CEP44: variants seen among roughly 807,000 people sequenced by gnomAD.
CEP44 encodes the protein centrosomal protein 44.
A neutral mutation model predicts 46.7 loss-of-function variants in CEP44; 45 were observed. The observed-to-expected ratio is 0.96, with a 90% CI of 0.76 to 1.24. CEP44 has a LOEUF of 1.24. Among genes scored for constraint, CEP44 ranks in the 50% most tolerant of loss-of-function variants. The pLI is 0.00. For missense variants in CEP44, 475 were observed against 459.7 expected (o/e 1.03, Z -0.30); for synonymous variants, 142 against 146.0 (o/e 0.97, Z 0.20).
At position 174,301,921 on chromosome 4, in the gene CEP44, C is replaced by T. The variant is rs1579104935; in HGVS notation, c.90-118C>T. ...CTCATGTATCACCTAATTATTATAG[C>T]TATAGTGTTAAGTTTTAAATTATTA... On this transcript the variant is annotated intron_variant, in intron 3 of 11. Coordinates refer to ENST00000503780, the MANE Select transcript of CEP44 (RefSeq NM_001040157.3). The surrounding 1 kb of genome is among the most constrained non-coding windows in gnomAD (Gnocchi z 4.3). 1.2e-6 allele frequency: 1 copy of T among 856,178 alleles called. No individual in the cohort carries two copies. Among genetic ancestry groups the T allele is most frequent in the Non-Finnish European group, 1.7e-6 (1 of 571,732 alleles). 53.0% of individuals were successfully genotyped at this position (856,178 alleles called of 1,614,324 possible). A position where few individuals can be genotyped will look rare whatever the true frequency, so the allele number is the denominator to read the frequency against.
rs1741123266 is a variant in CEP44 at position 174,311,911 on chromosome 4, G to A, written c.961+1053G>A. Reference sequence around the variant, plus strand: ...TATAATTATTTGAGATGCTATTTAAGGCAACTAAATTTATTATAGGCTGCA... The same window carrying A: ...TATAATTATTTGAGATGCTATTTAAAGCAACTAAATTTATTATAGGCTGCA... On this transcript the variant is annotated intron_variant, in intron 9 of 11. Transcript: ENST00000503780. The surrounding 1 kb of genome is among the most constrained non-coding windows in gnomAD (Gnocchi z 4.4). Among the ~76,000 whole-genome samples, 1 of 152,102 alleles carries A rather than the reference G, an allele frequency of 6.6e-6. No individual in the cohort carries two copies. The highest frequency in any genetic ancestry group is 1.5e-5 in the Non-Finnish European group (1 of 68,024).
At chr4:174,323,971 T>A (rs1046843527), downstream of CEP44, among the ~76,000 whole-genome samples, 8 of 152,164 alleles carry the variant, frequency 5.3e-5, no homozygotes, top group African/African-American at 1.9e-4. Flanking sequence ...TTAGTTGCAT[T>A]GACTTTTCGC....
rs1741206613 is a variant in CEP44 at position 174,312,549 on chromosome 4, C to A, written c.961+1691C>A. 6.6e-6 allele frequency among the ~76,000 whole-genome samples: 1 copy of A among 152,116 alleles called. No individual in the cohort carries two copies. The highest frequency in any genetic ancestry group is 2.1e-4 in the South Asian group (1 of 4,832). ...GAACTCCTGGGCTCAAGCAATCCTCCCATCTCTGCTTCTCAAAGTACTGGG... is the reference window on the plus strand; with the variant it reads ...GAACTCCTGGGCTCAAGCAATCCTCACATCTCTGCTTCTCAAAGTACTGGG... On this transcript the variant is annotated intron_variant, in intron 9 of 11. Transcript: ENST00000503780. The surrounding 1 kb of genome is among the most constrained non-coding windows in gnomAD (Gnocchi z 4.5).
Position 174,318,888 on chromosome 4 carries a change from C to T in CEP44, c.*1505C>T. 1 of 300,778 alleles carries T rather than the reference C, an allele frequency of 3.3e-6. No homozygotes were observed. The highest frequency in any genetic ancestry group is 4.9e-6 in the Non-Finnish European group (1 of 204,986). The allele number at this position is 300,778 out of a possible 1,614,324, so 18.6% of individuals were successfully genotyped here. A position where few individuals can be genotyped will look rare whatever the true frequency, so the allele number is the denominator to read the frequency against. ...GCACTGGCGTGATCTCGGCTCACTG[C>T]ACCTTCTGCCTACCGAGTTCAAGCG... On this transcript the variant is annotated 3_prime_UTR_variant, in exon 12 of 12. Coordinates refer to ENST00000503780, the MANE Select transcript of CEP44 (RefSeq NM_001040157.3).
At position 174,319,488 on chromosome 4, in the gene CEP44, T is replaced by TA. The variant is rs1742096756; in HGVS notation, c.*2106dup. The TA allele has an allele frequency of 1.1e-6, 1 of 944,438 alleles. No homozygotes were observed. Among genetic ancestry groups the TA allele is most frequent in the African/African-American group, 1.8e-5 (1 of 56,304 alleles). The allele number at this position is 944,438 out of a possible 1,614,324, so 58.5% of individuals were successfully genotyped here. A position where few individuals can be genotyped will look rare whatever the true frequency, so the allele number is the denominator to read the frequency against. ...AAAAGAAACATTTTTGAAGTTTTCT[T>TA]ATGGAAGATAGAAAAAAAGTTAAGT... On this transcript the variant is annotated 3_prime_UTR_variant, in exon 12 of 12. Transcript: ENST00000503780.
chr4:174,294,514 A>G (rs538354191), intron 1 of CEP44, among the ~76,000 whole-genome samples: 206 of 151,628 alleles, frequency 1.4e-3, no homozygotes, highest in African/African-American at 4.7e-3. Context: ...TCTATTCCAC[A>G]AAACCGCCAT....
At chr4:174,291,204 T>A (rs549203450) in intron 1 of CEP44, among the ~76,000 whole-genome samples, 1 of 151,948 alleles carries the variant, frequency 6.6e-6, no homozygotes, top group Non-Finnish European at 1.5e-5. Flanking sequence ...TTCTATTTGC[T>A]TTCTGTTTCT....
rs191388431 is a variant in CEP44, at chr4:174,301,525, T to C, written c.90-514T>C. Among the ~76,000 whole-genome samples the C allele has an allele frequency of 2.6e-4, 39 of 152,278 alleles. 1 individual carries two copies. The East Asian group carries it at 4.4e-3, about 17-fold the overall frequency. On this transcript the variant is annotated intron_variant, in intron 3 of 11. Transcript: ENST00000503780. This position sits in a 1 kb window ranked among gnomAD's most constrained non-coding sequence, Gnocchi z 4.3. Reference sequence around the variant, plus strand: ...TTAACATAGGTAATAATATACGATTTAGAAGGAGCAGTAAGTGAAAAGTAA... The same window carrying C: ...TTAACATAGGTAATAATATACGATTCAGAAGGAGCAGTAAGTGAAAAGTAA...
chr4:174,310,294 A>G lies in CEP44; in HGVS notation c.885+238A>G, dbSNP rs745651698. Among the ~76,000 whole-genome samples the G allele has an allele frequency of 6.6e-6, 1 of 152,050 alleles. No individual in the cohort carries two copies. Among genetic ancestry groups the G allele is most frequent in the Non-Finnish European group, 1.5e-5 (1 of 67,904 alleles). ...GTCAGTTGAGCTTTTACAGATGTTA[A>G]TAATGCTTGAAGAATTTAAAATGAG... On this transcript the variant is annotated intron_variant, in intron 8 of 11. Transcript: ENST00000503780. This position sits in a 1 kb window ranked among gnomAD's most constrained non-coding sequence, Gnocchi z 4.2.
intron 6 of CEP44, among the ~76,000 whole-genome samples, chr4:174,308,027 A>G (rs1311156561): frequency 6.6e-6 from 1 of 152,206 alleles, no homozygotes; most frequent in East Asian, 1.9e-4. Context: ...AGTTAGTTCA[A>G]CCACCGTGGA....
chr4:174,302,283 A>G, intron 4 of CEP44, 97 bp downstream of exon 4: 2 of 708,418 alleles, frequency 2.8e-6, no homozygotes, highest in Non-Finnish European at 4.7e-6. Flanking sequence ...CAGCATATAC[A>G]ATTGACAGGA....
At position 174,289,339 on chromosome 4, in the gene CEP44, A is replaced by T. The variant is rs576962812; in HGVS notation, c.-148+5396A>T. Reference sequence around the variant, plus strand: ...ATATGTTTAATAAGGTTTTGTATTAATTTTTCTTTAAATGTTTGCTAGAAT... The same window carrying T: ...ATATGTTTAATAAGGTTTTGTATTATTTTTTCTTTAAATGTTTGCTAGAAT... On this transcript the variant is annotated intron_variant, in intron 1 of 11. Coordinates refer to ENST00000503780, the MANE Select transcript of CEP44 (RefSeq NM_001040157.3). Among the ~76,000 whole-genome samples, 385 of 140,386 alleles carry T rather than the reference A, an allele frequency of 2.7e-3. 1 individual carries two copies. Among genetic ancestry groups the T allele is most frequent in the Non-Finnish European group, 2.9e-3 (183 of 63,830 alleles). 92.1% of individuals were successfully genotyped at this position (140,386 alleles called of 152,430 possible).
chr4:174,331,386 T>C lies in CEP44; in HGVS notation c.1087-96T>C, dbSNP rs1731312071. On this transcript the variant is annotated intron_variant, in intron 8 of 8. Transcript: ENST00000426172. This position sits in a 1 kb window ranked among gnomAD's most constrained non-coding sequence, Gnocchi z 4.5. Reference sequence around the variant, plus strand: ...ACCTATTATGGAAGAGGAGGAAATATTAATAGCACTCTGACACTGCTCTAA... The same window carrying C: ...ACCTATTATGGAAGAGGAGGAAATACTAATAGCACTCTGACACTGCTCTAA... 7.8e-7 allele frequency: 1 copy of C among 1,286,424 alleles called. No homozygotes were observed. The allele number at this position is 1,286,424 out of a possible 1,614,324, so 79.7% of individuals were successfully genotyped here. A position where few individuals can be genotyped will look rare whatever the true frequency, so the allele number is the denominator to read the frequency against.
Position 174,317,588 on chromosome 4 carries a change from T to C in CEP44, c.*205T>C. ...ATTATACTGCTTTACCTTGTGTCAC[T>C]TTTTTTTTTTTTAGGAAAAACTCAT... is the stretch of plus-strand genomic sequence containing the variant. On this transcript the variant is annotated 3_prime_UTR_variant, in exon 12 of 12. Transcript: ENST00000503780. 3.5e-6 allele frequency: 1 copy of C among 284,018 alleles called. No homozygotes were observed. The allele number at this position is 284,018 out of a possible 1,614,324, so 17.6% of individuals were successfully genotyped here. A position where few individuals can be genotyped will look rare whatever the true frequency, so the allele number is the denominator to read the frequency against.
At chr4:174,299,022 C>A (rs1739400244) in intron 2 of CEP44, 50 bp from the exon 3 acceptor site, 4 of 1,025,634 alleles carry the variant, frequency 3.9e-6, no homozygotes, top group Non-Finnish European at 5.8e-6. Flanking sequence ...AATCAAGAAG[C>A]TTCAAAAATA....
At chr4:174,320,786 A>G (rs995194703), downstream of CEP44, among the ~76,000 whole-genome samples, 3 of 151,936 alleles carry the variant, frequency 2.0e-5, no homozygotes, top group African/African-American at 7.2e-5. Context: ...TTTAAGCAGC[A>G]GAATATGATA....
rs554199972 is a variant in CEP44 at position 174,299,157 on chromosome 4, C to T, written c.36C>T (p.Asn12=). 14 of 1,613,648 alleles carry T rather than the reference C, an allele frequency of 8.7e-6. No individual in the cohort carries two copies. In the East Asian group the frequency reaches 3.1e-4, roughly 36 times the overall value. ...ATGDLKRSLR[N]LEQVLRLLNY... Reference sequence around the variant, plus strand: ...GTGACTTAAAAAGAAGCTTACGGAACCTAGAACAGGTGCTCCGCTTGCTAA... The same window carrying T: ...GTGACTTAAAAAGAAGCTTACGGAATCTAGAACAGGTGCTCCGCTTGCTAA... Residue 12 remains asparagine (N), a synonymous_variant, in exon 3 of 12, where the codon AAC becomes AAT. Coordinates refer to ENST00000503780, the MANE Select transcript of CEP44 (RefSeq NM_001040157.3).
intron 6 of CEP44, among the ~76,000 whole-genome samples, chr4:174,307,919 G>A (rs962707951): frequency 2.6e-5 from 4 of 151,958 alleles, no homozygotes; most frequent in African/African-American, 7.3e-5. Flanking sequence ...ACCATGTCAC[G>A]CTTCTCAGAA....
chr4:174,289,394 G>A (rs1205246212), intron 1 of CEP44, among the ~76,000 whole-genome samples: 2 of 150,622 alleles, frequency 1.3e-5, no homozygotes, highest in Non-Finnish European at 1.5e-5. Context: ...TCTTTGTTGG[G>A]AATTTTTTGA....
Sources: gnomAD v4.1 joint callset for allele counts (sites outside exome capture counted in the v4.1 genomes callset) on GRCh38, gnomAD v4.1.1 for gene constraint, Gnocchi (gnomAD v3.1) non-coding constraint, MANE v1.5 for transcripts, NCBI Gene and HGNC (gene_info 2026-07-23, HGNC 2026-07-21) for gene names.